Variants in ITGBL1 observed in about 807,000 individuals in gnomAD.
ITGBL1 encodes integrin subunit beta like 1.
In ITGBL1, 51 loss-of-function variants were observed where a neutral mutation model predicts 68.5. That is an observed-to-expected ratio of 0.74 (90% CI 0.59 to 0.94). The LOEUF is 0.94. Ranked by LOEUF, ITGBL1 falls within the 40% of genes least tolerant of loss-of-function variation. The pLI is 0.00. For synonymous variants in ITGBL1, 209 were observed against 227.3 expected, an observed-to-expected ratio of 0.92 and a Z score of 0.72; for missense variants, 649 against 647.4, an observed-to-expected ratio of 1.00 and a Z score of -0.03.
intron 7 of ITGBL1, among the ~76,000 whole-genome samples, chr13:101,667,570 CATA>C: frequency 6.6e-6 from 1 of 152,112 alleles, no homozygotes; most frequent in Middle Eastern, 3.4e-3. Context: ...GCACAGCCTT[CATA>C]ATATTACCCA....
intron 7 of ITGBL1, among the ~76,000 whole-genome samples, chr13:101,605,964 A>G (rs1211452958): frequency 6.8e-6 from 1 of 147,208 alleles, no homozygotes. Context: ...ACATATACAC[A>G]TATATATGCA....
chr13:101,639,247 T>C (rs1378502435), intron 7 of ITGBL1, among the ~76,000 whole-genome samples: 2 of 152,186 alleles, frequency 1.3e-5, no homozygotes, highest in African/African-American at 4.8e-5. Flanking sequence ...TTCTCATAGA[T>C]TTTCTATACC....
At chr13:101,457,853 T>C (rs985601078) in intron 2 of ITGBL1, among the ~76,000 whole-genome samples, 34 of 152,106 alleles carry the variant, frequency 2.2e-4, no homozygotes, top group Admixed American at 5.2e-4. Context: ...GGCAAAATGT[T>C]TGATTGCATG....
intron 7 of ITGBL1, among the ~76,000 whole-genome samples, chr13:101,671,359 A>C (rs1016568896): frequency 6.6e-6 from 1 of 151,542 alleles, no homozygotes; most frequent in African/African-American, 2.4e-5. Context: ...TTTCAGTTGC[A>C]GATTTAAGGA....
At chr13:101,546,117 TGTA>T (rs1244996540) in intron 2 of ITGBL1, among the ~76,000 whole-genome samples, 1 of 152,188 alleles carries the variant, frequency 6.6e-6, no homozygotes, top group Non-Finnish European at 1.5e-5. Context: ...ACAGAGTTCA[TGTA>T]GTATGATTCC....
At chr13:101,622,365 A>G (rs2031616671) in intron 7 of ITGBL1, among the ~76,000 whole-genome samples, 1 of 152,108 alleles carries the variant, frequency 6.6e-6, no homozygotes, top group South Asian at 2.1e-4. Flanking sequence ...TCCTATTTCC[A>G]TCAATACCAA....
At chr13:101,504,165 G>T (rs2048988467) in intron 2 of ITGBL1, among the ~76,000 whole-genome samples, 1 of 152,114 alleles carries the variant, frequency 6.6e-6, no homozygotes, top group African/African-American at 2.4e-5. Flanking sequence ...ATTTCCAGGA[G>T]GGCTGTCAAA....
At chr13:101,718,978 A>G (rs1159307439), downstream of ITGBL1, 4 of 147,926 alleles carry the variant, frequency 2.7e-5, no homozygotes, top group Admixed American at 6.7e-5. Context: ...TGCATTTTGG[A>G]AAAAAAAATT....
chr13:101,528,088 G>C (rs1340455286), intron 2 of ITGBL1, among the ~76,000 whole-genome samples: 2 of 151,290 alleles, frequency 1.3e-5, no homozygotes, highest in African/African-American at 4.8e-5. Flanking sequence ...TAAGCAACCT[G>C]GTGTTTTCTT....
intron 2 of ITGBL1, among the ~76,000 whole-genome samples, chr13:101,523,773 C>T (rs2049325766): frequency 1.3e-5 from 2 of 152,170 alleles, no homozygotes; most frequent in African/African-American, 4.8e-5. Context: ...ATCTTGTGCT[C>T]ATGTGTTGCT....
intron 2 of ITGBL1, among the ~76,000 whole-genome samples, chr13:101,547,313 G>A (rs2049843182): frequency 6.6e-6 from 1 of 151,654 alleles, no homozygotes; most frequent in African/African-American, 2.4e-5. Flanking sequence ...TTACTCATGT[G>A]ATTATTTTCT....
chr13:101,474,925 C>T (rs2048514316), intron 2 of ITGBL1, among the ~76,000 whole-genome samples: 1 of 152,200 alleles, frequency 6.6e-6, no homozygotes, highest in Admixed American at 6.5e-5. Context: ...GATAACAACA[C>T]TCAATTCCCT....
intron 2 of ITGBL1, among the ~76,000 whole-genome samples, chr13:101,533,768 ATC>A (rs10547499): frequency 0.77 from 117,227 of 152,038 alleles, 45,168 homozygotes; most frequent in South Asian, 0.81. Context: ...TTGGCTAAGC[ATC>A]TCTTGGCTAA....
At chr13:101,548,282 G>A (rs977389525) in intron 2 of ITGBL1, among the ~76,000 whole-genome samples, 2 of 151,780 alleles carry the variant, frequency 1.3e-5, no homozygotes, top group African/African-American at 4.8e-5. Context: ...AGAAATAACA[G>A]CATGTTTAAG....
intron 7 of ITGBL1, among the ~76,000 whole-genome samples, chr13:101,649,965 T>C (rs1254962532): frequency 6.6e-6 from 1 of 152,156 alleles, no homozygotes; most frequent in Non-Finnish European, 1.5e-5. Context: ...CCTTGAGTTA[T>C]AACATGTAGG....
chr13:101,652,543 T>C (rs2032784942), intron 7 of ITGBL1, among the ~76,000 whole-genome samples: 1 of 152,198 alleles, frequency 6.6e-6, no homozygotes, highest in Non-Finnish European at 1.5e-5. Flanking sequence ...CTTGCATACC[T>C]GTGATTTCAG....
At chr13:101,523,323 C>A (rs1418301693) in intron 2 of ITGBL1, among the ~76,000 whole-genome samples, 1 of 152,184 alleles carries the variant, frequency 6.6e-6, no homozygotes, top group Non-Finnish European at 1.5e-5. Context: ...CCCATGACTT[C>A]CTTTTTTGGC....
intron 7 of ITGBL1, among the ~76,000 whole-genome samples, chr13:101,649,714 T>C (rs994800239): frequency 6.6e-6 from 1 of 152,188 alleles, no homozygotes; most frequent in South Asian, 2.1e-4. Context: ...CTATTACTCA[T>C]CTTGTACACT....
intron 2 of ITGBL1, among the ~76,000 whole-genome samples, chr13:101,531,763 C>T (rs1275735131): frequency 2.0e-5 from 3 of 151,018 alleles, no homozygotes; most frequent in Non-Finnish European, 2.9e-5. Flanking sequence ...GACGGAGTCT[C>T]GCTCTGTGGC....
Sources: allele counts gnomAD v4.1 joint callset (sites outside exome capture counted in the v4.1 genomes callset), GRCh38; gene constraint gnomAD v4.1.1; transcripts MANE v1.5; gene names NCBI Gene and HGNC (gene_info 2026-07-23, HGNC 2026-07-21).